The following ERC1 variants were observed in gnomAD, a reference collection of about 807,000 sequenced individuals.
ERC1 encodes RAB6 interacting protein 2.
In ERC1, 56 loss-of-function variants were observed where a neutral mutation model predicts 132.0. The observed-to-expected ratio is 0.42, with a 90% CI of 0.34 to 0.53. ERC1 has a LOEUF of 0.53. Ranked by LOEUF, ERC1 falls within the 20% of genes least tolerant of loss-of-function variation. The probability of loss-of-function intolerance (pLI) is 0.03; values close to 1 mark genes in which losing one functional copy is unlikely to be tolerated. For synonymous variants in ERC1, 478 were observed against 476.1 expected, an observed-to-expected ratio of 1.00 and a Z score of -0.05; for missense variants, 1,202 against 1,349.9, an observed-to-expected ratio of 0.89 and a Z score of 1.72.
intron 12 of ERC1, among the ~76,000 whole-genome samples, chr12:1,215,718 T>C (rs1298685436): frequency 1.3e-5 from 2 of 152,012 alleles, no homozygotes; most frequent in Non-Finnish European, 2.9e-5. Context: ...GCTCTTATGC[T>C]CGGCAAAGAC....
At chr12:1,284,272 GT>G (rs1221648836) in intron 14 of ERC1, among the ~76,000 whole-genome samples, 5 of 110,638 alleles carry the variant, frequency 4.5e-5, no homozygotes, top group African/African-American at 2.1e-4. Context: ...ATTCGTGTGT[GT>G]GTGTGTGTGT....
chr12:1,166,762 GT>G (rs1179685915), intron 8 of ERC1, among the ~76,000 whole-genome samples: 3 of 152,106 alleles, frequency 2.0e-5, no homozygotes, highest in Admixed American at 2.0e-4. Context: ...ATAGCTTTGT[GT>G]TTTTCAGCTG....
intron 18 of ERC1, among the ~76,000 whole-genome samples, chr12:1,451,734 G>A (rs890303823): frequency 1.3e-5 from 2 of 152,214 alleles, no homozygotes; most frequent in Non-Finnish European, 2.9e-5. Flanking sequence ...GTATGAGGGA[G>A]TGTATTTTTA....
intron 17 of ERC1, among the ~76,000 whole-genome samples, chr12:1,422,609 C>T (rs1463161412): frequency 6.6e-6 from 1 of 151,922 alleles, no homozygotes; most frequent in Non-Finnish European, 1.5e-5. Flanking sequence ...TTGATGGATA[C>T]TTAGGTTAGT....
chr12:1,394,914 TC>T (rs1253648989), intron 16 of ERC1, among the ~76,000 whole-genome samples: 1 of 152,230 alleles, frequency 6.6e-6, no homozygotes, highest in Non-Finnish European at 1.5e-5. Flanking sequence ...TGGTAAATGT[TC>T]TTGGATCCTG....
At chr12:1,473,251 A>G (rs996531035) in intron 18 of ERC1, among the ~76,000 whole-genome samples, 1 of 151,530 alleles carries the variant, frequency 6.6e-6, no homozygotes. Flanking sequence ...CTGGTCTTGA[A>G]CTCCTGACCT....
intron 18 of ERC1, among the ~76,000 whole-genome samples, chr12:1,459,284 T>A (rs113973547): frequency 0.017 from 2,532 of 152,224 alleles, 68 homozygotes; most frequent in African/African-American, 0.058. Flanking sequence ...AGATTTTTTT[T>A]AAAAAAGAAA....
At chr12:1,428,408 T>A (rs953735906) in intron 17 of ERC1, among the ~76,000 whole-genome samples, 1 of 152,128 alleles carries the variant, frequency 6.6e-6, no homozygotes, top group Admixed American at 6.5e-5. Context: ...CCCTGCACCC[T>A]AATAGGTTAT....
chr12:1,317,754 A>ATGG (rs201448496), intron 15 of ERC1, among the ~76,000 whole-genome samples: 2,789 of 152,270 alleles, frequency 0.018, 34 homozygotes, highest in South Asian at 0.044. Context: ...ATCAGATTAT[A>ATGG]TGGTGATCTT....
At chr12:1,178,402 G>A (rs1953979266) in intron 8 of ERC1, among the ~76,000 whole-genome samples, 1 of 152,098 alleles carries the variant, frequency 6.6e-6, no homozygotes, top group Admixed American at 6.6e-5. Context: ...CAAAACAGCT[G>A]GAGGGGCAGG....
intron 16 of ERC1, among the ~76,000 whole-genome samples, chr12:1,395,735 G>GA (rs2090481049): frequency 6.6e-6 from 1 of 152,132 alleles, no homozygotes; most frequent in Admixed American, 6.6e-5. Flanking sequence ...CGGTCATGAT[G>GA]AGATGGAAGA....
intron 12 of ERC1, among the ~76,000 whole-genome samples, chr12:1,194,786 A>G (rs1242670023): frequency 6.6e-6 from 1 of 152,176 alleles, no homozygotes; most frequent in Non-Finnish European, 1.5e-5. Flanking sequence ...TATAATTTAG[A>G]TAACAGAGGT....
At chr12:1,324,449 T>A (rs1485523000) in intron 15 of ERC1, among the ~76,000 whole-genome samples, 1 of 152,202 alleles carries the variant, frequency 6.6e-6, no homozygotes, top group Admixed American at 6.5e-5. Context: ...GTCAGAAGTG[T>A]AACTTATCAT....
At chr12:1,319,978 C>T (rs2082006033) in intron 15 of ERC1, among the ~76,000 whole-genome samples, 1 of 151,966 alleles carries the variant, frequency 6.6e-6, no homozygotes, top group Non-Finnish European at 1.5e-5. Flanking sequence ...ATATATTGTT[C>T]TGCAATTTAT....
At chr12:1,244,969 A>G (rs1296841373) in intron 13 of ERC1, 1 of 152,540 alleles carries the variant, frequency 6.6e-6, no homozygotes, top group Non-Finnish European at 1.5e-5. Context: ...GTTCATTTTC[A>G]CTTTTTGTTA....
intron 15 of ERC1, among the ~76,000 whole-genome samples, chr12:1,336,175 T>G (rs73038641): frequency 0.034 from 5,212 of 152,222 alleles, 108 homozygotes; most frequent in African/African-American, 0.045. Flanking sequence ...TAGCAGTTTA[T>G]TTTATTAATT....
At chr12:1,344,343 T>C (rs911609637) in intron 15 of ERC1, among the ~76,000 whole-genome samples, 15 of 152,102 alleles carry the variant, frequency 9.9e-5, no homozygotes, top group Admixed American at 8.5e-4. Context: ...GTAGATTCCG[T>C]CAGCATCTCA....
At chr12:1,031,108 C>T (rs977269229) in intron 2 of ERC1, among the ~76,000 whole-genome samples, 37 of 152,270 alleles carry the variant, frequency 2.4e-4, no homozygotes, top group African/African-American at 8.7e-4. Context: ...TTGAAGATCT[C>T]TAGTTACATT....
At chr12:991,835 C>G (rs1241035917) in intron 1 of ERC1, 1 of 152,102 alleles carries the variant, frequency 6.6e-6, no homozygotes, top group Non-Finnish European at 1.5e-5. Context: ...CTTTTCTTTT[C>G]GATGAAATGG....
Sources: gnomAD v4.1 joint callset for allele counts (sites outside exome capture counted in the v4.1 genomes callset) on GRCh38, gnomAD v4.1.1 for gene constraint, MANE v1.5 for transcripts, NCBI Gene and HGNC (gene_info 2026-07-23, HGNC 2026-07-21) for gene names.